Variants in NCOA6 observed in about 807,000 individuals in gnomAD.
The protein encoded by NCOA6 is nuclear receptor coactivator 6, also known as NRC RAP250.
NCOA6 carries 49 observed loss-of-function variants against 171.4 expected under a neutral mutation model. That is an observed-to-expected ratio of 0.29 (90% confidence interval 0.23 to 0.36). The LOEUF is 0.36. Ranked by LOEUF, NCOA6 falls within the 10% of genes least tolerant of loss-of-function variation. The pLI, the probability that NCOA6 is intolerant of heterozygous loss-of-function variation, is 1.00. For missense variants in NCOA6, 2,248 were observed against 2,554.5 expected (o/e 0.88, Z 2.59); for synonymous variants, 910 against 927.5 (o/e 0.98, Z 0.34).
intron 14 of NCOA6, among the ~76,000 whole-genome samples, chr20:34,725,093 C>T (rs572784582): frequency 6.6e-5 from 10 of 152,250 alleles, no homozygotes; most frequent in Admixed American, 2.0e-4. Context: ...GTGGCTGAGG[C>T]TCTGTCTTTT....
chr20:34,773,979 T>C (rs1005398933), intron 4 of NCOA6, among the ~76,000 whole-genome samples: 3 of 152,236 alleles, frequency 2.0e-5, no homozygotes, highest in African/African-American at 7.2e-5. Context: ...TCTTTCTGTA[T>C]TGTGATAATC....
chr20:34,808,720 G>C (rs1239017979), intron 1 of NCOA6, among the ~76,000 whole-genome samples: 1 of 152,140 alleles, frequency 6.6e-6, no homozygotes. Context: ...TTACAGGCGT[G>C]AGCCACAGTG....
intron 1 of NCOA6, among the ~76,000 whole-genome samples, chr20:34,795,384 T>C (rs971397198): frequency 1.4e-4 from 22 of 152,210 alleles, no homozygotes; most frequent in Admixed American, 6.5e-4. Flanking sequence ...CCTCTTGATG[T>C]GATGTAACTT....
chr20:34,752,510 C>A (rs6060030), intron 8 of NCOA6, among the ~76,000 whole-genome samples: 2 of 152,124 alleles, frequency 1.3e-5, no homozygotes, highest in Non-Finnish European at 2.9e-5. Flanking sequence ...AGAGACACAA[C>A]TAACAAACAG....
chr20:34,824,064 C>T (rs1392306418), intron 1 of NCOA6, among the ~76,000 whole-genome samples: 1 of 152,214 alleles, frequency 6.6e-6, no homozygotes, highest in Non-Finnish European at 1.5e-5. Context: ...CCAGGAAATA[C>T]CAAATAACTG....
At chr20:34,795,668 A>T (rs1006174912) in intron 1 of NCOA6, among the ~76,000 whole-genome samples, 1 of 152,242 alleles carries the variant, frequency 6.6e-6, no homozygotes, top group Non-Finnish European at 1.5e-5. Context: ...ACCAACTGCA[A>T]TGCAGAAATG....
In NCOA6 at chr20:34,741,400, T is replaced by C. The variant is rs780525106; in HGVS notation, c.4856A>G (p.His1619Arg). Residue 1619 changes from histidine (H) to arginine (R), a missense_variant, in exon 11 of 15, where the codon CAC becomes CGC. Coordinates refer to ENST00000359003, the MANE Select transcript of NCOA6 (RefSeq NM_014071.5). ...TGTTGACATCAATGCAGACTGCAAGTGAGTTGGCAAAGCTGCTGATGTGTT... is the reference window on the plus strand; with the variant it reads ...TGTTGACATCAATGCAGACTGCAAGCGAGTTGGCAAAGCTGCTGATGTGTT... ...SANTSAALPTHLQSALMSTVV... is the reference protein window; with the variant it reads ...SANTSAALPTRLQSALMSTVV... 2 of 1,614,144 alleles carry C rather than the reference T, an allele frequency of 1.2e-6. No individual in the cohort carries two copies. Among genetic ancestry groups the C allele is most frequent in the Non-Finnish European group, 1.7e-6 (2 of 1,180,020 alleles).
chr20:34,775,672 C>CAAAAAAAAAA (rs570763953), intron 4 of NCOA6, among the ~76,000 whole-genome samples: 4 of 77,496 alleles, frequency 5.2e-5, no homozygotes, highest in Non-Finnish European at 7.6e-5. Context: ...GACTCTGTCT[C>CAAAAAAAAAA]AAAAAAAAAA....
At chr20:34,818,345 C>A (rs1240707690) in intron 1 of NCOA6, among the ~76,000 whole-genome samples, 1 of 152,036 alleles carries the variant, frequency 6.6e-6, no homozygotes, top group African/African-American at 2.4e-5. Flanking sequence ...CAGAGTAAGA[C>A]CCTGGTTCTA....
rs141307066 is a variant in NCOA6 at position 34,742,623 on chromosome 20, T to C, written c.3633A>G (p.Thr1211=). Residue 1211 remains threonine, a synonymous_variant, in exon 11 of 15, where the codon ACA becomes ACG. Transcript: ENST00000359003. ...AAPTQTSRPK[T]PNRASPRPYY... ...AGGGTCTGGGGCTGGCTCTGTTTGG[T>C]GTTTTGGGCCTAGATGTCTGGGTTG... The C allele has an allele frequency of 4.0e-5, 64 of 1,613,964 alleles. No homozygotes were observed. The African/African-American group carries it at 7.5e-4, about 19-fold the overall frequency.
intron 1 of NCOA6, among the ~76,000 whole-genome samples, chr20:34,825,001 A>G (rs185388940): frequency 1.1e-3 from 168 of 152,156 alleles, no homozygotes; most frequent in South Asian, 2.9e-3. Flanking sequence ...ACACCGCCTA[A>G]GGCCTAACCC....
intron 12 of NCOA6, among the ~76,000 whole-genome samples, chr20:34,735,521 A>G (rs368627318): frequency 3.9e-5 from 6 of 151,966 alleles, no homozygotes; most frequent in Admixed American, 1.3e-4. Flanking sequence ...GCGGGCACCT[A>G]TAGTCCCAGC....
At chr20:34,775,542 G>A (rs2077286096) in intron 4 of NCOA6, among the ~76,000 whole-genome samples, 1 of 151,616 alleles carries the variant, frequency 6.6e-6, no homozygotes, top group South Asian at 2.1e-4. Context: ...AAAATTAGCT[G>A]GGCATGGTAG....
At chr20:34,737,867 T>C (rs1399686080) in intron 11 of NCOA6, among the ~76,000 whole-genome samples, 3 of 152,256 alleles carry the variant, frequency 2.0e-5, no homozygotes, top group African/African-American at 7.2e-5. Flanking sequence ...TCTTAACTTC[T>C]ACTTTTAACT....
At chr20:34,804,614 T>A (rs1029433232) in intron 1 of NCOA6, among the ~76,000 whole-genome samples, 1 of 152,012 alleles carries the variant, frequency 6.6e-6, no homozygotes, top group South Asian at 2.1e-4. Context: ...GAGACTAATG[T>A]TTTTGAGAAT....
At chr20:34,756,456 T>C (rs2076644763) in intron 7 of NCOA6, among the ~76,000 whole-genome samples, 1 of 152,042 alleles carries the variant, frequency 6.6e-6, no homozygotes. Flanking sequence ...GATGACAGTA[T>C]TACTGATACT....
intron 10 of NCOA6, among the ~76,000 whole-genome samples, chr20:34,745,172 G>A (rs991360761): frequency 3.9e-5 from 6 of 152,214 alleles, no homozygotes; most frequent in African/African-American, 1.4e-4. Context: ...GAGAATAGAA[G>A]TGGACTGGTA....
intron 14 of NCOA6, among the ~76,000 whole-genome samples, chr20:34,722,278 G>C (rs1989465363): frequency 6.6e-6 from 1 of 151,686 alleles, no homozygotes; most frequent in Admixed American, 6.6e-5. Context: ...CTACTTGGGA[G>C]GCTGAGGCAC....
At chr20:34,749,304 T>C (rs2076398182) in intron 9 of NCOA6, 99 bp downstream of exon 9, 1 of 1,346,654 alleles carries the variant, frequency 7.4e-7, no homozygotes, top group Non-Finnish European at 1.0e-6. Flanking sequence ...GATTTCATTA[T>C]ACTATTCTAG....
Sources: allele counts gnomAD v4.1 joint callset (sites outside exome capture counted in the v4.1 genomes callset), GRCh38; gene constraint gnomAD v4.1.1; transcripts MANE v1.5; gene names NCBI Gene and HGNC (gene_info 2026-07-23, HGNC 2026-07-21).